MYO6: variants seen among roughly 807,000 people sequenced by gnomAD.
MYO6 encodes myosin VI.
MYO6 carries 74 observed loss-of-function variants against 178.7 expected under a neutral mutation model. The ratio of observed to expected loss-of-function variants is 0.41; its 90% CI spans 0.34 to 0.50. The LOEUF is 0.50. Ranked by LOEUF, MYO6 falls within the 20% of genes least tolerant of loss-of-function variation. MYO6 has a pLI of 0.09. For missense variants in MYO6, 1,330 were observed against 1,547.4 expected (o/e 0.86, Z 2.36); for synonymous variants, 477 against 504.6 (o/e 0.95, Z 0.73).
chr6:75,891,000 T>C (rs1212354268), intron 26 of MYO6, among the ~76,000 whole-genome samples: 1 of 152,202 alleles, frequency 6.6e-6, no homozygotes, highest in Non-Finnish European at 1.5e-5. Flanking sequence ...CACATTCATC[T>C]AGAGATGTTA....
chr6:75,887,817 CA>C (rs1295810562), intron 25 of MYO6, among the ~76,000 whole-genome samples: 186 of 130,298 alleles, frequency 1.4e-3, no homozygotes, highest in Admixed American at 1.6e-3. Flanking sequence ...ACTAAAAATA[CA>C]AAAAAAAAAA....
chr6:75,901,409 A>G lies in MYO6; in HGVS notation c.3176+2998A>G, dbSNP rs568344752. ...TCCTCTTTTATTTCCTTGAGCAGTG[A>G]TTTGTAGTTCTCCTTGAAGAGGTCC... On this transcript the variant is annotated intron_variant, in intron 30 of 34. Coordinates refer to ENST00000369977, the MANE Select transcript of MYO6 (RefSeq NM_004999.4). Among the ~76,000 whole-genome samples the G allele has an allele frequency of 5.3e-5, 8 of 152,086 alleles. No homozygotes were observed. The East Asian group carries it at 5.8e-4, about 11-fold the overall frequency.
At chr6:75,894,055 G>T (rs940784557) in intron 28 of MYO6, among the ~76,000 whole-genome samples, 3 of 152,194 alleles carry the variant, frequency 2.0e-5, no homozygotes, top group African/African-American at 7.2e-5. Context: ...GCAGTTGACA[G>T]AGTTGATTTT....
chr6:75,898,509 C>T, intron 30 of MYO6, 98 bp downstream of exon 30: 1 of 957,330 alleles, frequency 1.0e-6, no homozygotes, highest in South Asian at 1.4e-5. Flanking sequence ...ACATGAGTAG[C>T]CTAGTCTTTC....
intron 15 of MYO6, among the ~76,000 whole-genome samples, chr6:75,861,920 T>C (rs563740382): frequency 6.6e-6 from 1 of 152,280 alleles, no homozygotes; most frequent in Admixed American, 6.5e-5. Context: ...TCAGCCCACT[T>C]TCACCTCATG....
intron 10 of MYO6, 119 bp downstream of exon 10, chr6:75,845,096 A>T: frequency 1.3e-6 from 1 of 792,784 alleles, no homozygotes; most frequent in East Asian, 2.5e-5. Context: ...CTTATACTTT[A>T]AAAAATTAAA....
intron 30 of MYO6, among the ~76,000 whole-genome samples, chr6:75,904,911 G>C (rs1223529536): frequency 3.3e-5 from 5 of 152,140 alleles, no homozygotes; most frequent in African/African-American, 1.2e-4. Context: ...TTTTTGGTGT[G>C]GATGTCCTTT....
intron 10 of MYO6, among the ~76,000 whole-genome samples, chr6:75,847,749 A>G (rs1774870374): frequency 6.6e-6 from 1 of 152,008 alleles, no homozygotes; most frequent in South Asian, 2.1e-4. Flanking sequence ...CCTGACCCCT[A>G]TTTACTACAA....
At chr6:75,903,944 A>G (rs970692694) in intron 30 of MYO6, among the ~76,000 whole-genome samples, 1 of 151,330 alleles carries the variant, frequency 6.6e-6, no homozygotes, top group South Asian at 2.1e-4. Flanking sequence ...ATCTCTCAGC[A>G]TTTGCTTGTC....
rs541749132 is a variant in MYO6 at position 75,915,984 on chromosome 6, T to C, written c.*972T>C. ...TTTTGGCCTTTGAGGTTTTGGTAATTGTAGACCTGTTTCATAAGCTTTGTA... is the reference window on the plus strand; with the variant it reads ...TTTTGGCCTTTGAGGTTTTGGTAATCGTAGACCTGTTTCATAAGCTTTGTA... On this transcript the variant is annotated 3_prime_UTR_variant, in exon 35 of 35. Transcript: ENST00000369977. The C allele has an allele frequency of 3.3e-5, 5 of 152,748 alleles. No homozygotes were observed. The highest frequency in any genetic ancestry group is 1.3e-4 in the Admixed American group (2 of 15,294). 9.5% of individuals were successfully genotyped at this position (152,748 alleles called of 1,614,324 possible). A position where few individuals can be genotyped will look rare whatever the true frequency, so the allele number is the denominator to read the frequency against.
intron 2 of MYO6, 53 bp from the exon 3 acceptor site, chr6:75,822,726 ATTG>A: frequency 7.2e-7 from 1 of 1,398,390 alleles, no homozygotes; most frequent in South Asian, 1.2e-5. Flanking sequence ...AAGCCCTTCT[ATTG>A]TTCTTACTAT....
At chr6:75,780,413 G>C (rs1766847800) in intron 1 of MYO6, among the ~76,000 whole-genome samples, 1 of 152,196 alleles carries the variant, frequency 6.6e-6, no homozygotes, top group Non-Finnish European at 1.5e-5. Flanking sequence ...CAGCACTCCA[G>C]CCTGGGTGAC....
At chr6:75,779,536 T>TA (rs1176294893) in intron 1 of MYO6, among the ~76,000 whole-genome samples, 4 of 152,110 alleles carry the variant, frequency 2.6e-5, no homozygotes, top group Non-Finnish European at 4.4e-5. Context: ...ACTGTTGTTT[T>TA]AAAAAAATGC....
At chr6:75,888,700 T>G (rs1253533391) in intron 25 of MYO6, among the ~76,000 whole-genome samples, 1 of 152,166 alleles carries the variant, frequency 6.6e-6, no homozygotes, top group African/African-American at 2.4e-5. Flanking sequence ...ACAGTATAAT[T>G]TTACTTGTTT....
rs569124324 is a variant in MYO6 at position 75,917,937 on chromosome 6, T to C, written c.*2925T>C. 2 of 152,766 alleles carry C rather than the reference T, an allele frequency of 1.3e-5. No individual in the cohort carries two copies. Among genetic ancestry groups the C allele is most frequent in the South Asian group, 4.1e-4 (2 of 4,830 alleles). 9.5% of individuals were successfully genotyped at this position (152,766 alleles called of 1,614,324 possible). On this transcript the variant is annotated 3_prime_UTR_variant, in exon 35 of 35. Transcript: ENST00000369977. ...AGTACTTGGATCAGTAGAATAAATA[T>C]TTATTGAATCAATCAGTCAGCCAAT...
rs548514974 is a variant in MYO6, at chr6:75,862,184, T to C, written c.1547-412T>C. ...TAAAAATGTGTTGTTACAGATTTTG[T>C]TTGAAAGCGTTTACATCAGTTTCTA... On this transcript the variant is annotated intron_variant, in intron 15 of 34. Coordinates refer to ENST00000369977, the MANE Select transcript of MYO6 (RefSeq NM_004999.4). Among the ~76,000 whole-genome samples the C allele has an allele frequency of 3.9e-5, 6 of 152,362 alleles. No homozygotes were observed. The South Asian group carries it at 1.0e-3, about 26-fold the overall frequency.
At chr6:75,806,118 A>G (rs1289479460) in intron 1 of MYO6, among the ~76,000 whole-genome samples, 4 of 152,190 alleles carry the variant, frequency 2.6e-5, no homozygotes, top group Admixed American at 6.5e-5. Flanking sequence ...AAACAATTAA[A>G]TGAAGACATT....
At chr6:75,849,906 A>G (rs1254726540) in intron 11 of MYO6, among the ~76,000 whole-genome samples, 1 of 152,132 alleles carries the variant, frequency 6.6e-6, no homozygotes, top group Non-Finnish European at 1.5e-5. Context: ...GTATGTTTAC[A>G]AGGAGTTGGA....
intron 20 of MYO6, among the ~76,000 whole-genome samples, chr6:75,875,639 C>T (rs191536986): frequency 7.9e-5 from 12 of 152,294 alleles, no homozygotes; most frequent in East Asian, 7.7e-4. Context: ...TGGCTAGTCC[C>T]GCTGTAGAGC....
Sources: allele counts gnomAD v4.1 joint callset (sites outside exome capture counted in the v4.1 genomes callset), GRCh38; gene constraint gnomAD v4.1.1; transcripts MANE v1.5; gene names NCBI Gene and HGNC (gene_info 2026-07-23, HGNC 2026-07-21).